Variants in PVR observed in about 807,000 individuals in gnomAD.
The protein encoded by PVR is poliovirus receptor.
Under a neutral mutation model 43.3 loss-of-function variants are expected in PVR, and 39 were observed. That is an observed-to-expected ratio of 0.90 (90% confidence interval 0.70 to 1.18). PVR has a LOEUF of 1.18. Ranked by LOEUF, PVR falls within the 50% of genes most tolerant of loss-of-function variation. The pLI, the probability that PVR is intolerant of heterozygous loss-of-function variation, is 0.00. For synonymous variants in PVR, 224 were observed against 233.2 expected (o/e 0.96, Z 0.36); for missense variants, 480 against 549.7 (o/e 0.87, Z 1.27).
intron 4 of PVR, among the ~76,000 whole-genome samples, chr19:44,655,634 T>C (rs1973422350): frequency 6.6e-6 from 1 of 152,180 alleles, no homozygotes; most frequent in Admixed American, 6.5e-5. Flanking sequence ...CCTTTCCATG[T>C]CAAAGCACAT....
At chr19:44,661,149 G>T in intron 6 of PVR, 143 bp from the exon 7 acceptor site, 1 of 726,372 alleles carries the variant, frequency 1.4e-6, no homozygotes, top group Non-Finnish European at 2.5e-6. Flanking sequence ...TGACACACGT[G>T]TATACCATTA....
intron 6 of PVR, among the ~76,000 whole-genome samples, chr19:44,660,610 C>T (rs1973566994): frequency 1.3e-5 from 2 of 152,078 alleles, no homozygotes; most frequent in African/African-American, 4.8e-5. Context: ...GCAGCCTCAA[C>T]CTCCCAGGCT....
rs117380314 is a variant in PVR, at chr19:44,652,221, C to T, written c.725-1679C>T. ...TATTTATCTATTTATTTATTTGAGA[C>T]GGGGTCTTACTCTGTCACCCAGACT... On this transcript the variant is annotated intron_variant, in intron 3 of 7. Transcript: ENST00000425690. Among the ~76,000 whole-genome samples the T allele has an allele frequency of 1.6e-3, 245 of 152,202 alleles. 1 individual carries two copies. The highest frequency in any genetic ancestry group is 2.9e-3 in the Non-Finnish European group (197 of 68,016).
rs1317650634 is a variant in PVR, at chr19:44,664,034, A to G, written c.*2223A>G. The stretch of plus-strand genomic sequence containing the variant: ...ATGGTCCAGCTCCATTCTTCTGCAC[A>G]TGGATATCCAGTTTTACACAACACT... On this transcript the variant is annotated 3_prime_UTR_variant, in exon 8 of 8. Transcript: ENST00000425690. 6.6e-6 allele frequency: 1 copy of G among 152,176 alleles called. No homozygotes were observed. The allele number at this position is 152,176 out of a possible 1,614,324, so 9.4% of individuals were successfully genotyped here.
chr19:44,645,252 TTA>T (rs1188375192), intron 1 of PVR, among the ~76,000 whole-genome samples: 1 of 107,044 alleles, frequency 9.3e-6, no homozygotes, highest in Non-Finnish European at 1.7e-5. Context: ...GTATTATGTA[TTA>T]TATAATTGAT....
At position 44,647,524 on chromosome 19, in the gene PVR, G is replaced by C; in HGVS notation, c.381G>C (p.Thr127=). 3 of 1,614,014 alleles carry C rather than the reference G, an allele frequency of 1.9e-6. No individual in the cohort carries two copies. The highest frequency in any genetic ancestry group is 2.5e-6 in the Non-Finnish European group (3 of 1,179,984). ...DEGNYTCLFV[T]FPQGSRSVDI... is the part of the protein sequence containing the mutation. ...GCAACTACACCTGCCTGTTCGTCAC[G>C]TTCCCGCAGGGCAGCAGGAGCGTGG... Residue 127 remains threonine, a synonymous_variant, in exon 2 of 8, where the codon ACG becomes ACC. Transcript: ENST00000425690.
intron 4 of PVR, among the ~76,000 whole-genome samples, chr19:44,656,796 C>T (rs939248089): frequency 6.6e-6 from 1 of 151,920 alleles, no homozygotes; most frequent in Non-Finnish European, 1.5e-5. Context: ...ATGGCGAAAC[C>T]CCATCTCTAC....
chr19:44,659,374 C>T (rs1049931602), intron 6 of PVR, among the ~76,000 whole-genome samples: 2 of 152,232 alleles, frequency 1.3e-5, no homozygotes, highest in Admixed American at 6.5e-5. Flanking sequence ...GAGAAGTGTG[C>T]CAGCTCATTC....
intron 1 of PVR, 105 bp downstream of exon 1, chr19:44,644,280 G>T (rs1384716537): frequency 3.7e-6 from 3 of 814,410 alleles, no homozygotes; most frequent in Admixed American, 3.9e-5. Context: ...GCCCCGCCCG[G>T]CGCCACCCAC....
chr19:44,654,278 G>A (rs1424871589), intron 4 of PVR, among the ~76,000 whole-genome samples: 2 of 143,252 alleles, frequency 1.4e-5, no homozygotes, highest in Non-Finnish European at 3.0e-5. Context: ...GGGGGGTCTG[G>A]ACCCCTGGGT....
Position 44,649,802 on chromosome 19 carries a change from T to C in PVR, c.428-7T>C, listed in dbSNP as rs765558826. ...GAATGACTTGTTGCTTTTGTTCCTCTTCCCAGCCAAGCCCCAGAACACAGC... is the reference window on the plus strand; with the variant it reads ...GAATGACTTGTTGCTTTTGTTCCTCCTCCCAGCCAAGCCCCAGAACACAGC... On this transcript the variant is annotated splice_polypyrimidine_tract_variant and splice_region_variant and intron_variant, in intron 2 of 7. Transcript: ENST00000425690. The C allele has an allele frequency of 1.9e-6, 3 of 1,612,812 alleles. No homozygotes were observed. The East Asian group carries it at 6.7e-5, about 36-fold the overall frequency.
intron 5 of PVR, 37 bp from the exon 6 acceptor site, chr19:44,658,705 G>C (rs1973517551): frequency 1.9e-6 from 3 of 1,545,198 alleles, no homozygotes; most frequent in Admixed American, 1.9e-5. Context: ...AACCCCAAGA[G>C]TTTCCTTACC....
rs1599778795 is a variant in PVR, at chr19:44,663,330, G to A, written c.*1519G>A. On this transcript the variant is annotated 3_prime_UTR_variant, in exon 8 of 8. Coordinates refer to ENST00000425690, the MANE Select transcript of PVR (RefSeq NM_006505.5). ...TGCTAAATGGGAATGCAAAGCTTGA[G>A]CTGCTCTGCAAGAGAAAATAAGCAG... 6.6e-6 allele frequency: 1 copy of A among 152,240 alleles called. No individual in the cohort carries two copies. The highest frequency in any genetic ancestry group is 2.4e-5 in the African/African-American group (1 of 41,450). 9.4% of individuals were successfully genotyped at this position (152,240 alleles called of 1,614,324 possible). A position where few individuals can be genotyped will look rare whatever the true frequency, so the allele number is the denominator to read the frequency against.
rs375970875 is a variant in PVR at position 44,647,234 on chromosome 19, G to A, written c.91G>A (p.Val31Met). ...WPPPGTGDVV[V>M]QAPTQVPGFL... ...TCGGTTCTCCGCAGGGGACGTCGTC[G>A]TGCAGGCGCCCACCCAGGTGCCCGG... is the stretch of plus-strand genomic sequence containing the variant. The change falls in exon 2 of 8, where the codon GTG becomes ATG. Residue 31 changes from valine to methionine, a missense_variant. By Grantham distance (21) the Val-to-Met change is conservative. Transcript: ENST00000425690. 7 of 1,543,384 alleles carry A rather than the reference G, an allele frequency of 4.5e-6. No homozygotes were observed. The African/African-American group carries it at 9.6e-5, about 21-fold the overall frequency.
chr19:44,647,441 G>C lies in PVR; in HGVS notation c.298G>C (p.Gly100Arg), dbSNP rs1318464699. The C allele has an allele frequency of 6.2e-7, 1 of 1,613,992 alleles. No individual in the cohort carries two copies. Among genetic ancestry groups the C allele is most frequent in the Non-Finnish European group, 8.5e-7 (1 of 1,180,016 alleles). ...KRLEFVAARL[G>R]AELRNASLRM... ...GCTGGAATTCGTGGCAGCCAGACTGGGCGCGGAGCTGCGGAATGCCTCGCT... is the reference window on the plus strand; with the variant it reads ...GCTGGAATTCGTGGCAGCCAGACTGCGCGCGGAGCTGCGGAATGCCTCGCT... Residue 100 changes from glycine to arginine, a missense_variant, in exon 2 of 8, where the codon GGC (glycine) becomes CGC (arginine). Physicochemically the swap from Gly to Arg is moderately radical, Grantham distance 125 (BLOSUM62 -2). Coordinates refer to ENST00000425690, the MANE Select transcript of PVR (RefSeq NM_006505.5).
At chr19:44,652,379 T>G (rs1387929562) in intron 3 of PVR, among the ~76,000 whole-genome samples, 2 of 151,392 alleles carry the variant, frequency 1.3e-5, no homozygotes, top group Admixed American at 6.6e-5. Context: ...TTGTTTTTGT[T>G]TTTGTTTTTG....
intron 2 of PVR, among the ~76,000 whole-genome samples, chr19:44,649,462 C>G (rs965511860): frequency 1.4e-4 from 20 of 143,066 alleles, no homozygotes; most frequent in African/African-American, 5.3e-4. Context: ...CAGAATCTCA[C>G]TCTGTCGCCC....
chr19:44,661,290 A>G lies in PVR; in HGVS notation c.1151-2A>G, dbSNP rs1389519500. 6.2e-6 allele frequency: 10 copies of G among 1,613,566 alleles called. No homozygotes were observed. In the South Asian group the frequency reaches 9.9e-5, roughly 16 times the overall value. On this transcript the variant is annotated splice_acceptor_variant, in intron 6 of 7. Transcript: ENST00000425690. LOFTEE classifies it high-confidence loss of function. The stretch of plus-strand genomic sequence containing the variant: ...TGACGACTTCCCCTCCTATTTCCCC[A>G]GGTACAGAGCATGCCAGCGCCTCAG...
chr19:44,645,850 A>G (rs1251967378), intron 1 of PVR, among the ~76,000 whole-genome samples: 1 of 152,098 alleles, frequency 6.6e-6, no homozygotes, highest in African/African-American at 2.4e-5. Context: ...GCATAGGACC[A>G]TGTTTATTAG....
Sources: gnomAD v4.1 joint callset for allele counts (sites outside exome capture counted in the v4.1 genomes callset) on GRCh38, gnomAD v4.1.1 for gene constraint, MANE v1.5 for transcripts, NCBI Gene and HGNC (gene_info 2026-07-23, HGNC 2026-07-21) for gene names.